The following ALK variants were observed in gnomAD, a reference collection of about 807,000 sequenced individuals.
The protein encoded by ALK is ALK receptor tyrosine kinase.
Under a neutral mutation model 163.1 loss-of-function variants are expected in ALK, and 74 were observed. The observed-to-expected ratio is 0.45, with a 90% CI of 0.38 to 0.55. The LOEUF is 0.55. Among genes scored for constraint, ALK ranks in the 20% least tolerant of loss-of-function variants. ALK has a pLI of 0.00. For missense variants in ALK, 2,063 were observed against 2,105.3 expected, an observed-to-expected ratio of 0.98 and a Z score of 0.39; for synonymous variants, 960 against 843.2, an observed-to-expected ratio of 1.14 and a Z score of -2.40.
At chr2:29,725,948 A>C (rs1679559865) in intron 1 of ALK, among the ~76,000 whole-genome samples, 1 of 152,152 alleles carries the variant, frequency 6.6e-6, no homozygotes, top group Non-Finnish European at 1.5e-5. Context: ...CATCCCAAGC[A>C]AGCACCTCCT....
chr2:29,758,569 G>T (rs1388582492), intron 1 of ALK, among the ~76,000 whole-genome samples: 1 of 152,056 alleles, frequency 6.6e-6, no homozygotes, highest in African/African-American at 2.4e-5. Context: ...CTACTTTCTG[G>T]ATCTCATCCC....
chr2:29,741,634 C>T (rs1019078139), intron 1 of ALK, among the ~76,000 whole-genome samples: 2 of 152,060 alleles, frequency 1.3e-5, no homozygotes, highest in Non-Finnish European at 2.9e-5. Context: ...CCCATGTCTC[C>T]CCTGGTGACA....
intron 1 of ALK, among the ~76,000 whole-genome samples, chr2:29,846,841 G>A (rs114017229): frequency 0.011 from 1,685 of 152,296 alleles, 32 homozygotes; most frequent in African/African-American, 0.038. Context: ...GATTCTATGA[G>A]ATAGGTTCTA....
At chr2:29,605,899 C>CT (rs1675530178) in intron 3 of ALK, among the ~76,000 whole-genome samples, 1 of 152,120 alleles carries the variant, frequency 6.6e-6, no homozygotes, top group South Asian at 2.1e-4. Flanking sequence ...AAAGTGACTC[C>CT]TGCTTATCAG....
chr2:29,615,298 G>A (rs138348940), intron 3 of ALK, among the ~76,000 whole-genome samples: 1 of 152,056 alleles, frequency 6.6e-6, no homozygotes, highest in Non-Finnish European at 1.5e-5. Flanking sequence ...TTGTCCTAGG[G>A]TAAAGCTAAC....
Position 29,306,579 on chromosome 2 carries a change from G to A in ALK, c.1648-9522C>T, listed in dbSNP as rs55646674. ...AAGATCTTATCCTAGAAATACTTTC[G>A]TGCTGGAGAAATTAGGGAGCTAGTG... On this transcript the variant is annotated intron_variant, in intron 8 of 28. Coordinates refer to ENST00000389048, the MANE Select transcript of ALK (RefSeq NM_004304.5). Among the ~76,000 whole-genome samples, 1,008 of 152,272 alleles carry A rather than the reference G, an allele frequency of 6.6e-3. 20 individuals carry two copies. The highest frequency in any genetic ancestry group is 0.022 in the African/African-American group (930 of 41,534).
At chr2:29,793,644 T>C (rs144426214) in intron 1 of ALK, among the ~76,000 whole-genome samples, 2,262 of 152,246 alleles carry the variant, frequency 0.015, 27 homozygotes, top group Non-Finnish European at 0.021. Context: ...ATAAAAAAAT[T>C]AATTTTCTTG....
intron 4 of ALK, among the ~76,000 whole-genome samples, chr2:29,427,204 A>G (rs1026811287): frequency 2.2e-4 from 33 of 152,086 alleles, no homozygotes; most frequent in African/African-American, 7.5e-4. Flanking sequence ...CACACCTGAT[A>G]GTAATTTTAA....
At chr2:29,723,132 C>A (rs574560673) in intron 1 of ALK, among the ~76,000 whole-genome samples, 9 of 152,170 alleles carry the variant, frequency 5.9e-5, no homozygotes, top group African/African-American at 2.2e-4. Context: ...CATAGCCTAG[C>A]CCCTAAAGGC....
At chr2:29,241,088 C>T (rs1004407889) in intron 12 of ALK, among the ~76,000 whole-genome samples, 1 of 152,206 alleles carries the variant, frequency 6.6e-6, no homozygotes, top group African/African-American at 2.4e-5. Flanking sequence ...AATGGAGAAT[C>T]TAGTGCCCAT....
At chr2:29,647,931 T>C (rs1294659325) in intron 3 of ALK, among the ~76,000 whole-genome samples, 1 of 152,130 alleles carries the variant, frequency 6.6e-6, no homozygotes, top group Non-Finnish European at 1.5e-5. Context: ...GTGTCATTCA[T>C]TATGAATAGA....
At chr2:29,483,153 G>A (rs1671702821) in intron 4 of ALK, among the ~76,000 whole-genome samples, 1 of 152,230 alleles carries the variant, frequency 6.6e-6, no homozygotes. Flanking sequence ...CAAGCTGTAT[G>A]ACCTGGGTAA....
Position 29,422,285 on chromosome 2 carries a change from G to T in ALK, c.1155-38426C>A, listed in dbSNP as rs374706488. On this transcript the variant is annotated intron_variant, in intron 4 of 28. Transcript: ENST00000389048. ...AGTGAGTTCCAGGAGGGTTTCTTGG[G>T]TCTCCTGACTTTCTTACTAATAGAA... 2.6e-4 allele frequency among the ~76,000 whole-genome samples: 39 copies of T among 151,568 alleles called. 1 individual carries two copies. The highest frequency in any genetic ancestry group is 8.8e-4 in the African/African-American group (36 of 40,846).
intron 3 of ALK, among the ~76,000 whole-genome samples, chr2:29,553,267 T>C (rs1261159101): frequency 6.6e-6 from 1 of 152,142 alleles, no homozygotes; most frequent in African/African-American, 2.4e-5. Context: ...CTTAGCCCCT[T>C]CTGACATCTG....
chr2:29,225,439 C>T (rs754875517), intron 19 of ALK, 22 bp downstream of exon 19: 1 of 1,598,608 alleles, frequency 6.3e-7, no homozygotes, highest in Non-Finnish European at 8.6e-7. Flanking sequence ...CCTTGGGAGT[C>T]CCTGGGGCTC....
At chr2:29,909,561 C>T (rs955879108) in intron 1 of ALK, among the ~76,000 whole-genome samples, 5 of 151,174 alleles carry the variant, frequency 3.3e-5, no homozygotes, top group African/African-American at 1.2e-4. Flanking sequence ...GAGTCTTTGG[C>T]TAAATATTAA....
intron 9 of ALK, 76 bp from the exon 10 acceptor site, chr2:29,275,572 T>G (rs1186279511): frequency 1.2e-5 from 18 of 1,440,376 alleles, no homozygotes; most frequent in Middle Eastern, 1.7e-4. Flanking sequence ...CCAGCAGGTG[T>G]GTGCTGATCA....
chr2:29,224,586 C>T (rs1487473288), intron 19 of ALK: 1 of 229,408 alleles, frequency 4.4e-6, no homozygotes, highest in East Asian at 6.2e-5. Context: ...AAGCCCAGCC[C>T]CCCAACACAT....
chr2:29,718,962 A>C (rs1679345157), intron 1 of ALK, among the ~76,000 whole-genome samples: 1 of 152,176 alleles, frequency 6.6e-6, no homozygotes, highest in East Asian at 1.9e-4. Context: ...TACCCCCTGT[A>C]CCAGCTCTTG....
Sources: allele counts gnomAD v4.1 joint callset (sites outside exome capture counted in the v4.1 genomes callset), GRCh38; gene constraint gnomAD v4.1.1; transcripts MANE v1.5; gene names NCBI Gene and HGNC (gene_info 2026-07-23, HGNC 2026-07-21).